FCHO2: variants seen among roughly 807,000 people sequenced by gnomAD.
The protein encoded by FCHO2 is FCH and mu domain containing endocytic adaptor 2, also known as F-BAR domain only protein 2.
FCHO2 carries 43 observed loss-of-function variants against 114.1 expected under a neutral mutation model. The observed-to-expected ratio is 0.38, with a 90% CI of 0.30 to 0.49. The LOEUF is 0.49. Ranked by LOEUF, FCHO2 falls within the 20% of genes least tolerant of loss-of-function variation. The pLI, the probability that FCHO2 is intolerant of heterozygous loss-of-function variation, is 0.97. For synonymous variants in FCHO2, 293 were observed against 315.2 expected (o/e 0.93, Z 0.75); for missense variants, 807 against 950.4 (o/e 0.85, Z 1.98).
At chr5:72,985,627 G>A (rs1188685475) in intron 2 of FCHO2, among the ~76,000 whole-genome samples, 1 of 152,042 alleles carries the variant, frequency 6.6e-6, no homozygotes, top group Non-Finnish European at 1.5e-5. Context: ...TTTTTGCTGG[G>A]TATGGAATTC....
Position 73,006,472 on chromosome 5 carries a change from G to A in FCHO2, c.523G>A (p.Asp175Asn). Residue 175 changes from aspartate to asparagine, a missense_variant, in exon 6 of 26, where the codon GAT becomes AAT. Coordinates refer to ENST00000430046, the MANE Select transcript of FCHO2 (RefSeq NM_138782.3). ...KAAVKSKKAT[D>N]TYKLYVEKYA... Reference sequence around the variant, plus strand: ...AGCTGTTAAATCTAAGAAAGCTACAGATACCTATAAACTCTATGTGGAAAA... The same window carrying A: ...AGCTGTTAAATCTAAGAAAGCTACAAATACCTATAAACTCTATGTGGAAAA... 1.3e-6 allele frequency: 2 copies of A among 1,552,796 alleles called. No homozygotes were observed. Among genetic ancestry groups the A allele is most frequent in the South Asian group, 1.3e-5 (1 of 77,638 alleles).
chr5:73,059,265 A>G (rs1181519258), intron 17 of FCHO2, among the ~76,000 whole-genome samples: 3 of 152,204 alleles, frequency 2.0e-5, no homozygotes, highest in African/African-American at 7.2e-5. Flanking sequence ...TCATGCGGGA[A>G]GAACTTAAAT....
chr5:73,052,573 G>T, intron 13 of FCHO2, 66 bp downstream of exon 13: 1 of 1,264,622 alleles, frequency 7.9e-7, no homozygotes, highest in South Asian at 1.5e-5. Context: ...CCTGTGTCTG[G>T]TCAAACATTA....
chr5:73,082,688 T>C (rs529217501), intron 23 of FCHO2, 73 bp from the exon 24 acceptor site: 2 of 1,158,378 alleles, frequency 1.7e-6, no homozygotes, highest in Non-Finnish European at 2.5e-6. Context: ...AATACACTTA[T>C]TTATTGAGGT....
intron 11 of FCHO2, among the ~76,000 whole-genome samples, chr5:73,050,292 T>TGCTA (rs1448282727): frequency 7.4e-6 from 1 of 134,586 alleles, no homozygotes; most frequent in Non-Finnish European, 1.6e-5. Flanking sequence ...TTTAGCTTTC[T>TGCTA]GCTATTTATT....
At chr5:73,013,104 C>A (rs1013109399) in intron 6 of FCHO2, among the ~76,000 whole-genome samples, 35 of 152,144 alleles carry the variant, frequency 2.3e-4, no homozygotes, top group African/African-American at 8.0e-4. Flanking sequence ...GAGAGTAATT[C>A]AGGATCTTGA....
intron 2 of FCHO2, among the ~76,000 whole-genome samples, chr5:72,978,503 T>A (rs1580030427): frequency 6.6e-6 from 1 of 152,164 alleles, no homozygotes; most frequent in South Asian, 2.1e-4. Context: ...TTAAGGAGAT[T>A]TTGGGCTGAG....
At position 72,988,447 on chromosome 5, in the gene FCHO2, A is replaced by C. The variant is rs558276227; in HGVS notation, c.126-980A>C. 3.9e-5 allele frequency among the ~76,000 whole-genome samples: 6 copies of C among 152,322 alleles called. No individual in the cohort carries two copies. In the South Asian group the frequency reaches 1.2e-3, roughly 32 times the overall value. On this transcript the variant is annotated intron_variant, in intron 2 of 25. Transcript: ENST00000430046. ...AGCCATATTCCGTCTCAAAAAAAGA[A>C]GGCCATACAAAATGTGTATTCTGTA...
At chr5:73,009,229 G>C (rs1159960082) in intron 6 of FCHO2, among the ~76,000 whole-genome samples, 1 of 152,248 alleles carries the variant, frequency 6.6e-6, no homozygotes, top group African/African-American at 2.4e-5. Context: ...GTCATTGCAG[G>C]CTTCAGCAAG....
At chr5:73,082,111 C>A in intron 23 of FCHO2, 129 bp downstream of exon 23, 1 of 703,558 alleles carries the variant, frequency 1.4e-6, no homozygotes, top group Non-Finnish European at 2.2e-6. Context: ...AGAAACCACG[C>A]TGTAAAAGAT....
rs996414784 is a variant in FCHO2 at position 72,956,209 on chromosome 5, G to A, written c.33+80G>A. 4.8e-6 allele frequency: 7 copies of A among 1,460,352 alleles called. No homozygotes were observed. The East Asian group carries it at 1.2e-4, about 24-fold the overall frequency. 90.5% of individuals were successfully genotyped at this position (1,460,352 alleles called of 1,614,324 possible). ...TGAGCTTGGCCTGCGTGCGCTTCGGGCGGCGGCGGCGGCCCCTCCGGCAGG... is the reference window on the plus strand; with the variant it reads ...TGAGCTTGGCCTGCGTGCGCTTCGGACGGCGGCGGCGGCCCCTCCGGCAGG... On this transcript the variant is annotated intron_variant, in intron 1 of 25. Coordinates refer to ENST00000430046, the MANE Select transcript of FCHO2 (RefSeq NM_138782.3).
intron 2 of FCHO2, among the ~76,000 whole-genome samples, chr5:72,983,655 C>T (rs1032590163): frequency 2.7e-5 from 4 of 150,298 alleles, no homozygotes; most frequent in Non-Finnish European, 5.9e-5. Flanking sequence ...TCCCAAAGTG[C>T]CGGGATTTTA....
chr5:73,027,622 G>A (rs1323110256), intron 8 of FCHO2, among the ~76,000 whole-genome samples: 1 of 151,926 alleles, frequency 6.6e-6, no homozygotes, highest in African/African-American at 2.4e-5. Flanking sequence ...CAAGTAATAA[G>A]TAATGAATAT....
At chr5:72,984,312 A>G (rs1368923232) in intron 2 of FCHO2, among the ~76,000 whole-genome samples, 1 of 152,148 alleles carries the variant, frequency 6.6e-6, no homozygotes, top group Non-Finnish European at 1.5e-5. Flanking sequence ...TTTTACATCT[A>G]TACTTGTGAG....
intron 9 of FCHO2, 108 bp downstream of exon 9, chr5:73,034,809 T>C (rs1756415815): frequency 1.3e-6 from 1 of 782,958 alleles, no homozygotes; most frequent in Admixed American, 3.2e-5. Context: ...AGCATACCTA[T>C]GGAATGGAAT....
Position 73,081,890 on chromosome 5 carries a change from T to C in FCHO2, c.2088T>C (p.Ala696=). 1 of 1,612,778 alleles carries C rather than the reference T, an allele frequency of 6.2e-7. No individual in the cohort carries two copies. Among genetic ancestry groups the C allele is most frequent in the Non-Finnish European group, 8.5e-7 (1 of 1,179,312 alleles). Reference sequence around the variant, plus strand: ...TGGATTATAAATACAATCCAGAAGCTATGGTGGCACCTAGTGTGCTTTCCA... The same window carrying C: ...TGGATTATAAATACAATCCAGAAGCCATGGTGGCACCTAGTGTGCTTTCCA... ...LRVDYKYNPE[A]MVAPSVLSNI... The change falls in exon 23 of 26, where the codon GCT becomes GCC. Residue 696 remains alanine, a synonymous_variant. Coordinates refer to ENST00000430046, the MANE Select transcript of FCHO2 (RefSeq NM_138782.3).
intron 17 of FCHO2, among the ~76,000 whole-genome samples, chr5:73,059,605 TA>T (rs1757757139): frequency 6.6e-6 from 1 of 152,036 alleles, no homozygotes; most frequent in Non-Finnish European, 1.5e-5. Context: ...AGCAACAAAA[TA>T]TTTTTAAAAG....
chr5:72,974,681 T>C (rs1014047016), intron 2 of FCHO2, among the ~76,000 whole-genome samples: 4 of 152,292 alleles, frequency 2.6e-5, no homozygotes, highest in African/African-American at 9.6e-5. Context: ...TGTCTTTTAA[T>C]TGGAGCATTT....
intron 19 of FCHO2, among the ~76,000 whole-genome samples, 185 bp from the exon 20 acceptor site, chr5:73,074,557 T>C: frequency 6.6e-6 from 1 of 152,100 alleles, no homozygotes; most frequent in East Asian, 1.9e-4. Context: ...GGTTTTTTTT[T>C]GTCCTTTGTA....
Sources: gnomAD v4.1 joint callset for allele counts (sites outside exome capture counted in the v4.1 genomes callset) on GRCh38, gnomAD v4.1.1 for gene constraint, MANE v1.5 for transcripts, NCBI Gene and HGNC (gene_info 2026-07-23, HGNC 2026-07-21) for gene names.